Variants in CGAS observed in about 807,000 individuals in gnomAD.
The protein encoded by CGAS is cyclic GMP-AMP synthase.
CGAS carries 31 observed loss-of-function variants against 34.0 expected under a neutral mutation model. The ratio of observed to expected loss-of-function variants is 0.91; its 90% CI spans 0.69 to 1.23. The LOEUF (loss-of-function observed/expected upper bound fraction) is 1.23. Ranked by LOEUF, CGAS falls within the 50% of genes most tolerant of loss-of-function variation. The pLI is 0.00. For synonymous variants in CGAS, 266 were observed against 260.0 expected, an observed-to-expected ratio of 1.02 and a Z score of -0.22; for missense variants, 597 against 657.6, an observed-to-expected ratio of 0.91 and a Z score of 1.01.
Position 73,451,733 on chromosome 6 carries a change from G to A in CGAS, c.449C>T (p.Ala150Val). 1.2e-6 allele frequency: 2 copies of A among 1,612,598 alleles called. No individual in the cohort carries two copies. Among genetic ancestry groups the A allele is most frequent in the Non-Finnish European group, 1.7e-6 (2 of 1,179,582 alleles). Residue 150 changes from alanine to valine, a missense_variant, in exon 1 of 5, where the codon GCC becomes GTC. Physicochemically the swap from Ala to Val is moderately conservative, Grantham distance 64. Around this residue, in one of 3 missense-constraint regions of CGAS, gnomAD observed 321 missense variants for 314.3 expected, o/e 1.02. Transcript: ENST00000370315. ...CGCATCCCTCCGTACGAGAATGGGG[G>A]CCGAGACCGGCAGGCCGGGGCTGGG... is the stretch of plus-strand genomic sequence containing the variant. ...DVPSPGLPVS[A>V]PILVRRDAAP...
intron 3 of CGAS, among the ~76,000 whole-genome samples, chr6:73,430,396 C>T (rs1770175093): frequency 6.6e-6 from 1 of 151,922 alleles, no homozygotes; most frequent in Non-Finnish European, 1.5e-5. Context: ...TTCAGGAGGC[C>T]GAGACAGGAG....
chr6:73,433,061 G>A (rs760842465), intron 3 of CGAS, among the ~76,000 whole-genome samples: 10 of 152,082 alleles, frequency 6.6e-5, no homozygotes, highest in Non-Finnish European at 1.5e-4. Context: ...TCCAGCCTGG[G>A]TGACAGAGCG....
intron 1 of CGAS, among the ~76,000 whole-genome samples, chr6:73,450,695 CTG>C (rs1770549867): frequency 1.3e-5 from 2 of 151,758 alleles, no homozygotes; most frequent in South Asian, 2.1e-4. Context: ...GTGTAAGAAA[CTG>C]GGGACAGACG....
intron 3 of CGAS, among the ~76,000 whole-genome samples, chr6:73,430,054 T>C (rs1026285867): frequency 1.2e-4 from 18 of 152,022 alleles, no homozygotes; most frequent in African/African-American, 4.1e-4. Context: ...TAGTCGTTCA[T>C]CATTAAAAAA....
At chr6:73,441,873 C>T (rs888161559) in intron 2 of CGAS, among the ~76,000 whole-genome samples, 3 of 151,984 alleles carry the variant, frequency 2.0e-5, no homozygotes, top group African/African-American at 7.2e-5. Flanking sequence ...TGTCCATCTA[C>T]CTTACTTTTT....
At chr6:73,440,097 G>A in intron 3 of CGAS, 112 bp downstream of exon 3, 3 of 977,912 alleles carry the variant, frequency 3.1e-6, no homozygotes, top group Non-Finnish European at 4.5e-6. Flanking sequence ...TATTTTGCCT[G>A]ATGGCTCTTG....
intron 4 of CGAS, among the ~76,000 whole-genome samples, chr6:73,427,422 C>G (rs1010319425): frequency 3.2e-4 from 48 of 151,956 alleles, no homozygotes; most frequent in African/African-American, 1.1e-3. Context: ...GCCTCAGCCT[C>G]CTGAGTAGCG....
chr6:73,442,785 G>A (rs1220072509), intron 2 of CGAS, among the ~76,000 whole-genome samples: 1 of 151,882 alleles, frequency 6.6e-6, no homozygotes, highest in Non-Finnish European at 1.5e-5. Context: ...TTTTAGTACA[G>A]ACGGGGTTTC....
intron 3 of CGAS, among the ~76,000 whole-genome samples, chr6:73,431,584 A>T (rs979325315): frequency 1.5e-4 from 23 of 152,212 alleles, no homozygotes; most frequent in African/African-American, 5.3e-4. Flanking sequence ...TCTACAGGAA[A>T]AATAACCTGT....
intron 1 of CGAS, among the ~76,000 whole-genome samples, chr6:73,447,686 G>A (rs891070145): frequency 6.6e-6 from 1 of 152,044 alleles, no homozygotes; most frequent in Non-Finnish European, 1.5e-5. Flanking sequence ...CTCCTGACTT[G>A]ATGTGATTCT....
At chr6:73,433,987 T>A (rs376401557) in intron 3 of CGAS, among the ~76,000 whole-genome samples, 2 of 152,230 alleles carry the variant, frequency 1.3e-5, no homozygotes, top group East Asian at 1.9e-4. Flanking sequence ...TCAAAATTTA[T>A]ATGAGAATGT....
At chr6:73,435,534 G>A (rs1461153333) in intron 3 of CGAS, among the ~76,000 whole-genome samples, 1 of 152,084 alleles carries the variant, frequency 6.6e-6, no homozygotes, top group Non-Finnish European at 1.5e-5. Context: ...CTATATAGAG[G>A]TATGGAGTGA....
intron 1 of CGAS, among the ~76,000 whole-genome samples, chr6:73,447,910 C>T (rs963467945): frequency 6.6e-6 from 1 of 151,850 alleles, no homozygotes; most frequent in African/African-American, 2.4e-5. Flanking sequence ...CCAATCAAGT[C>T]ATCTACACAT....
intron 3 of CGAS, among the ~76,000 whole-genome samples, chr6:73,435,748 G>A (rs924998533): frequency 1.4e-5 from 2 of 147,330 alleles, no homozygotes; most frequent in Non-Finnish European, 3.0e-5. Context: ...AGACCAGCCT[G>A]GGCAACATAG....
At chr6:73,450,498 C>A (rs1463643114) in intron 1 of CGAS, among the ~76,000 whole-genome samples, 1 of 151,878 alleles carries the variant, frequency 6.6e-6, no homozygotes, top group Admixed American at 6.6e-5. Flanking sequence ...CAGTCAGGAA[C>A]CTGCTTCTAA....
rs1770068608 is a variant in CGAS at position 73,425,438 on chromosome 6, C to G, written c.1358G>C (p.Ser453Thr). The G allele has an allele frequency of 3.1e-6, 5 of 1,614,144 alleles. No individual in the cohort carries two copies. The African/African-American group carries it at 6.7e-5, about 22-fold the overall frequency. The change falls in exon 5 of 5, where the codon AGT (serine) becomes ACT (threonine). Residue 453 changes from serine (S) to threonine (T), a missense_variant. This residue lies in a region of CGAS where 271 missense variants were observed against 324.1 expected (regional missense o/e 0.84). Coordinates refer to ENST00000370315, the MANE Select transcript of CGAS (RefSeq NM_138441.3). ...GCCCAGGTCTTTGCGGTCCCACTGACTGTCTTGAGGGTTCTGGGTACATAC... is the reference window on the plus strand; with the variant it reads ...GCCCAGGTCTTTGCGGTCCCACTGAGTGTCTTGAGGGTTCTGGGTACATAC... ...FHVCTQNPQD[S>T]QWDRKDLGLC...
At chr6:73,443,751 G>A (rs757365440) in intron 2 of CGAS, among the ~76,000 whole-genome samples, 17 of 152,090 alleles carry the variant, frequency 1.1e-4, no homozygotes, top group Non-Finnish European at 1.9e-4. Flanking sequence ...ATCTAATAGC[G>A]TAATAACATA....
intron 3 of CGAS, among the ~76,000 whole-genome samples, chr6:73,430,401 C>G (rs1475088881): frequency 2.6e-5 from 4 of 151,964 alleles, no homozygotes; most frequent in Non-Finnish European, 5.9e-5. Flanking sequence ...GAGGCCGAGA[C>G]AGGAGACCAG....
intron 3 of CGAS, among the ~76,000 whole-genome samples, chr6:73,439,161 A>G (rs1321874540): frequency 6.6e-6 from 1 of 151,964 alleles, no homozygotes; most frequent in Non-Finnish European, 1.5e-5. Context: ...CTGGAATCCA[A>G]TAGTAGTAGG....
Sources: gnomAD v4.1 joint callset for allele counts (sites outside exome capture counted in the v4.1 genomes callset) on GRCh38, gnomAD v4.1.1 for gene constraint, gnomAD v4.1.1 regional missense constraint, MANE v1.5 for transcripts, NCBI Gene and HGNC (gene_info 2026-07-23, HGNC 2026-07-21) for gene names.